BOLL: variants seen among roughly 807,000 people sequenced by gnomAD.
BOLL encodes protein boule-like.
In BOLL, 23 loss-of-function variants were observed where a neutral mutation model predicts 44.4. That is an observed-to-expected ratio of 0.52 (90% CI 0.37 to 0.73). The LOEUF (loss-of-function observed/expected upper bound fraction) is 0.73. BOLL is among the 30% of genes least tolerant of loss of function. The pLI, the probability that BOLL is intolerant of heterozygous loss-of-function variation, is 0.00. For synonymous variants in BOLL, 97 were observed against 110.8 expected, an observed-to-expected ratio of 0.88 and a Z score of 0.78; for missense variants, 287 against 338.3, an observed-to-expected ratio of 0.85 and a Z score of 1.19.
At chr2:197,764,517 T>C (rs1688903163) in intron 7 of BOLL, among the ~76,000 whole-genome samples, 1 of 152,120 alleles carries the variant, frequency 6.6e-6, no homozygotes, top group Admixed American at 6.6e-5. Context: ...CCTGCACAGA[T>C]ATTTTTGAAA....
rs190721064 is a variant in BOLL, at chr2:197,763,259, G to T, written c.552+3273C>A. On this transcript the variant is annotated intron_variant, in intron 7 of 10. Transcript: ENST00000392296. ...GCACTTTGGGAGGCCGAGGCGGGCA[G>T]ATCACGAGGTCAGGAGATCGAGACC... Among the ~76,000 whole-genome samples the T allele has an allele frequency of 5.1e-3, 772 of 152,246 alleles. 3 individuals are homozygous for T. The highest frequency in any genetic ancestry group is 7.7e-3 in the Non-Finnish European group (525 of 68,014).
intron 3 of BOLL, among the ~76,000 whole-genome samples, chr2:197,778,704 A>C (rs1558998213): frequency 6.6e-6 from 1 of 151,718 alleles, no homozygotes; most frequent in Non-Finnish European, 1.5e-5. Flanking sequence ...TCTGCTACTT[A>C]CATTAAGTGC....
intron 7 of BOLL, among the ~76,000 whole-genome samples, chr2:197,759,414 C>T (rs769497180): frequency 6.6e-6 from 1 of 152,184 alleles, no homozygotes; most frequent in Non-Finnish European, 1.5e-5. Context: ...GAATTCGTGG[C>T]TGCATTGCCC....
rs1342031307 is a variant in BOLL at position 197,727,100 on chromosome 2, CTG to C, written c.*1453_*1454del. 1 of 152,342 alleles carries C rather than the reference CTG, an allele frequency of 6.6e-6. No individual in the cohort carries two copies. Among genetic ancestry groups the C allele is most frequent in the East Asian group, 1.9e-4 (1 of 5,304 alleles). 9.4% of individuals were successfully genotyped at this position (152,342 alleles called of 1,614,324 possible). ...ACTTAATCTATTTACATTCCTAAAACTGAGAATAATTAATGTATTTGAGATCC... is the reference window on the plus strand; with the variant it reads ...ACTTAATCTATTTACATTCCTAAAACAGAATAATTAATGTATTTGAGATCC... On this transcript the variant is annotated 3_prime_UTR_variant, in exon 11 of 11. Transcript: ENST00000392296.
At chr2:197,754,066 C>T (rs1468464559) in intron 9 of BOLL, among the ~76,000 whole-genome samples, 1 of 152,182 alleles carries the variant, frequency 6.6e-6, no homozygotes, top group Non-Finnish European at 1.5e-5. Flanking sequence ...TGTTCTCACT[C>T]ATAAGTGGGA....
In BOLL at chr2:197,729,064, C is replaced by T. The variant is rs1480660746; in HGVS notation, c.829-486G>A. ...ATTTCTGCATTTCCATCTGAGGTAC[C>T]GGGTTCATCTCACTAGGGAGTGCCA... On this transcript the variant is annotated intron_variant, in intron 10 of 10. Transcript: ENST00000392296. Among the ~76,000 whole-genome samples the T allele has an allele frequency of 3.3e-5, 5 of 152,096 alleles. No homozygotes were observed. The South Asian group carries it at 8.3e-4, about 25-fold the overall frequency.
At chr2:197,776,669 T>A (rs532753980) in intron 4 of BOLL, among the ~76,000 whole-genome samples, 1 of 152,084 alleles carries the variant, frequency 6.6e-6, no homozygotes, top group South Asian at 2.1e-4. Context: ...TACACTGAAT[T>A]GCTGGCTATA....
chr2:197,785,003 C>A lies in BOLL; in HGVS notation c.-16+53G>T. On this transcript the variant is annotated intron_variant, in intron 1 of 10. Transcript: ENST00000392296. The surrounding 1 kb of genome is among the most constrained non-coding windows in gnomAD (Gnocchi z 6.7). ...GGCCCCTCCCCTTGAGAATCAACCTCGAGATCTAGCATCTATTTTGCAAAC... is the reference window on the plus strand; with the variant it reads ...GGCCCCTCCCCTTGAGAATCAACCTAGAGATCTAGCATCTATTTTGCAAAC... 1 of 986,014 alleles carries A rather than the reference C, an allele frequency of 1.0e-6. No individual in the cohort carries two copies. Among genetic ancestry groups the A allele is most frequent in the Non-Finnish European group, 1.2e-6 (1 of 829,964 alleles). The allele number at this position is 986,014 out of a possible 1,614,324, so 61.1% of individuals were successfully genotyped here.
intron 9 of BOLL, among the ~76,000 whole-genome samples, chr2:197,752,166 T>G (rs1199091791): frequency 1.3e-5 from 2 of 152,202 alleles, no homozygotes; most frequent in African/African-American, 4.8e-5. Flanking sequence ...TAATAAGAGC[T>G]ATTTATGACA....
chr2:197,753,948 A>G (rs1195267065), intron 9 of BOLL, among the ~76,000 whole-genome samples: 1 of 152,194 alleles, frequency 6.6e-6, no homozygotes, highest in Non-Finnish European at 1.5e-5. Context: ...ATGGAATACT[A>G]TGCAGCCATA....
chr2:197,786,061 C>T (rs1227687261), upstream of BOLL: 1 of 1,589,526 alleles, frequency 6.3e-7, no homozygotes, highest in Non-Finnish European at 8.6e-7. The surrounding 1 kb of genome is among the most constrained non-coding windows in gnomAD (Gnocchi z 5.9). Context: ...AGTTTGAAAC[C>T]ACCTTCACGC....
At chr2:197,781,328 G>C (rs182556974) in intron 2 of BOLL, among the ~76,000 whole-genome samples, 131 of 152,174 alleles carry the variant, frequency 8.6e-4, no homozygotes, top group African/African-American at 3.0e-3. Context: ...TTTCATAAAA[G>C]TAAGTTTTTA....
chr2:197,740,037 C>T (rs1687662295), intron 10 of BOLL, among the ~76,000 whole-genome samples: 1 of 152,058 alleles, frequency 6.6e-6, no homozygotes, highest in Non-Finnish European at 1.5e-5. Context: ...AAAAATGAAG[C>T]CTCTATGAGT....
intron 9 of BOLL, among the ~76,000 whole-genome samples, chr2:197,754,776 C>T (rs945433400): frequency 1.8e-5 from 2 of 109,342 alleles, no homozygotes; most frequent in African/African-American, 7.5e-5. Context: ...CACACACACA[C>T]ACACACACAC....
intron 2 of BOLL, among the ~76,000 whole-genome samples, chr2:197,779,777 C>T (rs1232572546): frequency 6.6e-6 from 1 of 151,890 alleles, no homozygotes; most frequent in Non-Finnish European, 1.5e-5. Context: ...TGATAATAGA[C>T]TCATATCACC....
At chr2:197,775,077 T>C (rs1183938519) in intron 5 of BOLL, among the ~76,000 whole-genome samples, 1 of 151,810 alleles carries the variant, frequency 6.6e-6, no homozygotes, top group Non-Finnish European at 1.5e-5. Flanking sequence ...AGGTAAAAAG[T>C]TAACTATAAA....
Position 197,756,657 on chromosome 2 carries a change from T to C in BOLL, c.601-101A>G, listed in dbSNP as rs570077446. The C allele has an allele frequency of 2.4e-4, 298 of 1,222,424 alleles. 1 individual carries two copies. In the South Asian group the frequency reaches 4.7e-3, roughly 19 times the overall value. 75.7% of individuals were successfully genotyped at this position (1,222,424 alleles called of 1,614,324 possible). On this transcript the variant is annotated intron_variant, in intron 8 of 10. Coordinates refer to ENST00000392296, the MANE Select transcript of BOLL (RefSeq NM_033030.6). ...TGAGAGAAGTACTTGTTTTTTATTTTACTAAATTTTTTTTTAGGAATAGCA... is the reference window on the plus strand; with the variant it reads ...TGAGAGAAGTACTTGTTTTTTATTTCACTAAATTTTTTTTTAGGAATAGCA...
At chr2:197,785,475 T>A (rs1470696784), upstream of BOLL, 3 of 796,942 alleles carry the variant, frequency 3.8e-6, no homozygotes, top group East Asian at 1.2e-4. The surrounding 1 kb of genome is among the most constrained non-coding windows in gnomAD (Gnocchi z 6.7). Flanking sequence ...CAGCCAGGGC[T>A]AGAGTGTCCG....
chr2:197,751,840 A>AC (rs1039031040), intron 9 of BOLL, among the ~76,000 whole-genome samples: 6 of 148,032 alleles, frequency 4.1e-5, no homozygotes, highest in East Asian at 3.9e-4. Context: ...GAAACCAACA[A>AC]AAAAAAAAAA....
Sources: allele counts gnomAD v4.1 joint callset (sites outside exome capture counted in the v4.1 genomes callset), GRCh38; gene constraint gnomAD v4.1.1; non-coding constraint Gnocchi (gnomAD v3.1); transcripts MANE v1.5; gene names NCBI Gene and HGNC (gene_info 2026-07-23, HGNC 2026-07-21).